KCNB2: variants seen among roughly 807,000 people sequenced by gnomAD.
KCNB2 encodes potassium voltage-gated channel subfamily B member 2, also known as delayed rectifier potassium channel protein.
A neutral mutation model predicts 61.5 loss-of-function variants in KCNB2; 15 were observed. The ratio of observed to expected loss-of-function variants is 0.24; its 90% CI spans 0.16 to 0.38. The LOEUF (loss-of-function observed/expected upper bound fraction) is 0.38. Ranked by LOEUF, KCNB2 falls within the 10% of genes least tolerant of loss-of-function variation. KCNB2 has a pLI of 1.00. For missense variants in KCNB2, 828 were observed against 1,125.2 expected, an observed-to-expected ratio of 0.74 and a Z score of 3.78; for synonymous variants, 457 against 446.0, an observed-to-expected ratio of 1.02 and a Z score of -0.31.
rs75284353 is a variant in KCNB2, at chr8:72,858,295, C to T, written c.580-77640C>T. 5.2e-3 allele frequency among the ~76,000 whole-genome samples: 787 copies of T among 151,980 alleles called. 7 individuals carry two copies. The highest frequency in any genetic ancestry group is 0.019 in the African/African-American group (767 of 41,434). On this transcript the variant is annotated intron_variant, in intron 2 of 2. Coordinates refer to ENST00000523207, the MANE Select transcript of KCNB2 (RefSeq NM_004770.3). ...TAAAAAGTTTAACTAAATTAAATTG[C>T]TTTGGTCCAATAATATTTTATGAGA...
intron 2 of KCNB2, among the ~76,000 whole-genome samples, chr8:72,816,788 C>T (rs1809403127): frequency 6.6e-6 from 1 of 152,128 alleles, no homozygotes; most frequent in African/African-American, 2.4e-5. Flanking sequence ...TTAATTGCTC[C>T]TTTCCCTGTT....
intron 2 of KCNB2, among the ~76,000 whole-genome samples, chr8:72,836,560 G>C (rs1282658178): frequency 6.6e-6 from 1 of 152,096 alleles, no homozygotes; most frequent in Non-Finnish European, 1.5e-5. Flanking sequence ...AGAGTAGAAG[G>C]TTGCTCCATA....
intron 2 of KCNB2, among the ~76,000 whole-genome samples, chr8:72,905,211 C>T (rs373855475): frequency 1.3e-5 from 2 of 152,046 alleles, no homozygotes; most frequent in Non-Finnish European, 2.9e-5. Context: ...TAAAGCTCAC[C>T]GCAGACTGAG....
intron 1 of KCNB2, among the ~76,000 whole-genome samples, chr8:72,560,010 T>A (rs912446820): frequency 6.6e-6 from 1 of 152,174 alleles, no homozygotes; most frequent in Admixed American, 6.5e-5. Context: ...TCTCAAAACA[T>A]GGAGGTATAT....
intron 1 of KCNB2, among the ~76,000 whole-genome samples, chr8:72,550,883 T>C (rs1306228539): frequency 6.6e-6 from 1 of 152,154 alleles, no homozygotes; most frequent in African/African-American, 2.4e-5. Context: ...CAGGCGATAT[T>C]TGGAGATTCA....
chr8:72,768,881 C>T, intron 2 of KCNB2, among the ~76,000 whole-genome samples: 1 of 152,100 alleles, frequency 6.6e-6, no homozygotes, highest in East Asian at 1.9e-4. Context: ...AGTGACATGG[C>T]CTGGCACGGT....
chr8:72,774,309 C>T (rs1808611203), intron 2 of KCNB2, among the ~76,000 whole-genome samples: 1 of 152,142 alleles, frequency 6.6e-6, no homozygotes, highest in Non-Finnish European at 1.5e-5. Context: ...AGTTTTACTT[C>T]CCACCCTTTT....
chr8:72,895,108 A>G (rs1805970397), intron 2 of KCNB2, among the ~76,000 whole-genome samples: 1 of 152,228 alleles, frequency 6.6e-6, no homozygotes, highest in African/African-American at 2.4e-5. Context: ...ATCTATAATG[A>G]CAGATGAGAG....
chr8:72,639,727 A>C (rs1806023994), intron 2 of KCNB2, among the ~76,000 whole-genome samples: 1 of 152,068 alleles, frequency 6.6e-6, no homozygotes, highest in South Asian at 2.1e-4. Flanking sequence ...GCTTTGAAAA[A>C]TGTAGGTGCC....
At chr8:72,717,571 C>T (rs940607723) in intron 2 of KCNB2, among the ~76,000 whole-genome samples, 5 of 152,206 alleles carry the variant, frequency 3.3e-5, no homozygotes, top group African/African-American at 9.6e-5. Context: ...GAAAGGATTC[C>T]CTATTTAATA....
At chr8:72,584,231 A>C (rs965589601) in intron 2 of KCNB2, among the ~76,000 whole-genome samples, 11 of 152,214 alleles carry the variant, frequency 7.2e-5, no homozygotes, top group African/African-American at 2.7e-4. Flanking sequence ...AAAGTCAATC[A>C]GAGACAACAT....
At chr8:72,751,760 A>C (rs1550466) in intron 2 of KCNB2, 56,185 of 152,038 alleles carry the variant, frequency 0.37, 11,305 homozygotes, top group African/African-American at 0.53. Context: ...ATGTGCCTGG[A>C]ACTCTTTGGA....
In KCNB2 at chr8:72,937,266, C is replaced by T; in HGVS notation, c.1911C>T (p.Leu637=). 1 of 1,614,022 alleles carries T rather than the reference C, an allele frequency of 6.2e-7. No homozygotes were observed. The highest frequency in any genetic ancestry group is 8.5e-7 in the Non-Finnish European group (1 of 1,180,000). ...TGCAGATGAAGTTCCCAACCGACCT[C>T]CCAGGGACAGAAGAGCACCAAAGAG... The part of the protein sequence containing the change: ...SHLQMKFPTD[L]PGTEEHQRAR... The change falls in exon 3 of 3, where the codon CTC becomes CTT. Residue 637 remains leucine, a synonymous_variant. Coordinates refer to ENST00000523207, the MANE Select transcript of KCNB2 (RefSeq NM_004770.3).
chr8:72,763,098 T>G (rs763271504), intron 2 of KCNB2, among the ~76,000 whole-genome samples: 128 of 149,872 alleles, frequency 8.5e-4, no homozygotes, highest in Middle Eastern at 3.5e-3. Context: ...TGTTCTTGGG[T>G]CATTTCTATC....
At chr8:72,759,422 C>CT (rs1270454073) in intron 2 of KCNB2, among the ~76,000 whole-genome samples, 3 of 152,186 alleles carry the variant, frequency 2.0e-5, no homozygotes, top group Admixed American at 6.5e-5. Context: ...CCTATAGGCA[C>CT]TTGCTGTATG....
At chr8:72,807,234 T>C (rs1809240001) in intron 2 of KCNB2, among the ~76,000 whole-genome samples, 1 of 152,236 alleles carries the variant, frequency 6.6e-6, no homozygotes, top group Non-Finnish European at 1.5e-5. Context: ...ATGTAGGTTA[T>C]GTCCTATATC....
chr8:72,764,417 C>T lies in KCNB2; in HGVS notation c.580-171518C>T, dbSNP rs547204980. 7.2e-5 allele frequency among the ~76,000 whole-genome samples: 11 copies of T among 152,140 alleles called. No homozygotes were observed. In the South Asian group the frequency reaches 2.3e-3, roughly 32 times the overall value. On this transcript the variant is annotated intron_variant, in intron 2 of 2. Coordinates refer to ENST00000523207, the MANE Select transcript of KCNB2 (RefSeq NM_004770.3). The stretch of plus-strand genomic sequence containing the variant: ...AGTAGAAATGGCCAAGGAGGGGACC[C>T]TAGGGGTTGGAAGAGCTGAAAGAGG...
chr8:72,633,023 G>A (rs1297207914), intron 2 of KCNB2, among the ~76,000 whole-genome samples: 1 of 152,206 alleles, frequency 6.6e-6, no homozygotes, highest in East Asian at 1.9e-4. Context: ...CAGGCTAGAA[G>A]TCCAGTGGGC....
intron 2 of KCNB2, among the ~76,000 whole-genome samples, chr8:72,820,575 A>G (rs1473597242): frequency 6.6e-6 from 1 of 151,630 alleles, no homozygotes; most frequent in Non-Finnish European, 1.5e-5. Flanking sequence ...TATCTAACCT[A>G]TGACTTTTTT....
Sources: gnomAD v4.1 joint callset for allele counts (sites outside exome capture counted in the v4.1 genomes callset) on GRCh38, gnomAD v4.1.1 for gene constraint, MANE v1.5 for transcripts, NCBI Gene and HGNC (gene_info 2026-07-23, HGNC 2026-07-21) for gene names.